Variants in RBMS1 observed in about 807,000 individuals in gnomAD.
RBMS1 encodes the protein RNA binding motif single stranded interacting protein 1.
Under a neutral mutation model 62.3 loss-of-function variants are expected in RBMS1, and 17 were observed. The ratio of observed to expected loss-of-function variants is 0.27; its 90% CI spans 0.19 to 0.41. RBMS1 has a LOEUF of 0.41. RBMS1 is among the 10% of genes least tolerant of loss of function. The pLI is 1.00. For synonymous variants in RBMS1, 172 were observed against 170.0 expected, an observed-to-expected ratio of 1.01 and a Z score of -0.09; for missense variants, 334 against 504.5, an observed-to-expected ratio of 0.66 and a Z score of 3.24.
chr2:160,324,588 C>A (rs1690781455), intron 2 of RBMS1, among the ~76,000 whole-genome samples: 1 of 151,548 alleles, frequency 6.6e-6, no homozygotes, highest in Non-Finnish European at 1.5e-5. Flanking sequence ...TGAGAAAGGG[C>A]AGAATGTTGC....
At chr2:160,300,871 T>C in intron 5 of RBMS1, 141 bp from the exon 6 acceptor site, 1 of 932,472 alleles carries the variant, frequency 1.1e-6, no homozygotes, top group East Asian at 3.1e-5. Flanking sequence ...AAAGGGTCTA[T>C]TCTACCTTTT....
At position 160,318,229 on chromosome 2, in the gene RBMS1, T is replaced by TAAAAAAAAAAAAAAAAAAAAGAA; in HGVS notation, c.252-3_252-2insTTCTTTTTTTTTTTTTTTTTTTT. The TAAAAAAAAAAAAAAAAAAAAGAA allele has an allele frequency of 1.7e-6, 2 of 1,163,252 alleles. No individual in the cohort carries two copies. The highest frequency in any genetic ancestry group is 1.1e-6 in the Non-Finnish European group (1 of 929,826). 72.1% of individuals were successfully genotyped at this position (1,163,252 alleles called of 1,614,324 possible). ...TTTGTGGAGACTATTTTCCCATATC[T>TAAAAAAAAAAAAAAAAAAAAGAA]AAAAAAAAAAAAAAAAAAAAAAAGG... On this transcript the variant is annotated splice_polypyrimidine_tract_variant and splice_region_variant and intron_variant, in intron 2 of 13. Coordinates refer to ENST00000348849, the MANE Select transcript of RBMS1 (RefSeq NM_016836.4).
At chr2:160,448,784 C>G (rs1172658814) in intron 1 of RBMS1, among the ~76,000 whole-genome samples, 2 of 151,812 alleles carry the variant, frequency 1.3e-5, no homozygotes, top group Non-Finnish European at 2.9e-5. Context: ...GCCCCTCTGC[C>G]CAGCCACCCA....
intron 1 of RBMS1, among the ~76,000 whole-genome samples, chr2:160,388,713 G>A (rs1427740400): frequency 6.6e-6 from 1 of 152,190 alleles, no homozygotes; most frequent in Non-Finnish European, 1.5e-5. Context: ...CCTCTTTTGT[G>A]TCAGCTGAGC....
At chr2:160,451,147 A>G (rs1364625277) in intron 1 of RBMS1, among the ~76,000 whole-genome samples, 1 of 144,002 alleles carries the variant, frequency 6.9e-6, no homozygotes, top group Admixed American at 7.7e-5. Flanking sequence ...ACAGAGCAAG[A>G]CCATGCTTCA....
chr2:160,368,139 T>C (rs1573943214), intron 1 of RBMS1, among the ~76,000 whole-genome samples: 1 of 152,176 alleles, frequency 6.6e-6, no homozygotes, highest in East Asian at 1.9e-4. Context: ...TAATTCTCTG[T>C]GCACCGACTG....
intron 1 of RBMS1, among the ~76,000 whole-genome samples, chr2:160,474,071 T>C (rs1031679563): frequency 5.3e-5 from 8 of 152,206 alleles, no homozygotes; most frequent in Non-Finnish European, 1.2e-4. Context: ...TCTGCTGTGT[T>C]ATTACCATCT....
intron 1 of RBMS1, among the ~76,000 whole-genome samples, chr2:160,439,096 C>A (rs1232592409): frequency 1.3e-5 from 2 of 149,162 alleles, no homozygotes; most frequent in Non-Finnish European, 3.0e-5. Flanking sequence ...GGCGGCCGGG[C>A]AGAGGCACCC....
chr2:160,323,242 G>A (rs1371513513), intron 2 of RBMS1, among the ~76,000 whole-genome samples: 1 of 151,562 alleles, frequency 6.6e-6, no homozygotes, highest in East Asian at 1.9e-4. Context: ...TTGGGAGGCT[G>A]AGGTGTGCAG....
intron 13 of RBMS1, chr2:160,275,400 G>A (rs1574194167): frequency 3.2e-6 from 2 of 629,532 alleles, no homozygotes; most frequent in East Asian, 5.0e-5. Flanking sequence ...TTTTTAGTGG[G>A]GAGAGTATAC....
intron 1 of RBMS1, among the ~76,000 whole-genome samples, chr2:160,452,536 T>C (rs1049793591): frequency 6.6e-6 from 1 of 152,378 alleles, no homozygotes; most frequent in Non-Finnish European, 1.5e-5. Context: ...TGTTATTCAT[T>C]GTTTATTTTT....
At chr2:160,347,649 G>T (rs1227187424) in intron 2 of RBMS1, among the ~76,000 whole-genome samples, 1 of 152,128 alleles carries the variant, frequency 6.6e-6, no homozygotes, top group Non-Finnish European at 1.5e-5. Context: ...GAAATCACCT[G>T]AAGGTCTGTC....
At chr2:160,438,176 T>C (rs1683193283) in intron 1 of RBMS1, among the ~76,000 whole-genome samples, 2 of 152,140 alleles carry the variant, frequency 1.3e-5, no homozygotes, top group African/African-American at 4.8e-5. Context: ...GAGATCATTA[T>C]AGCAGACTCC....
chr2:160,312,821 TA>T (rs201315509), intron 4 of RBMS1, among the ~76,000 whole-genome samples: 151 of 143,282 alleles, frequency 1.1e-3, no homozygotes, highest in Middle Eastern at 3.5e-3. Context: ...CATTTAAATT[TA>T]AAAAAAAAAA....
At chr2:160,451,038 C>T (rs1161466646) in intron 1 of RBMS1, among the ~76,000 whole-genome samples, 1 of 152,018 alleles carries the variant, frequency 6.6e-6, no homozygotes, top group Non-Finnish European at 1.5e-5. Context: ...TGCCTGTTGT[C>T]CCAGCTAGTT....
intron 1 of RBMS1, among the ~76,000 whole-genome samples, chr2:160,414,182 T>G (rs116506763): frequency 0.03 from 4,532 of 152,302 alleles, 99 homozygotes; most frequent in Non-Finnish European, 0.045. Flanking sequence ...ATGCAAACTT[T>G]CCAATATTCG....
intron 1 of RBMS1, 154 bp from the exon 2 acceptor site, chr2:160,367,545 T>G: frequency 7.6e-7 from 1 of 1,319,532 alleles, no homozygotes; most frequent in Non-Finnish European, 9.9e-7. Flanking sequence ...TCATGCTACT[T>G]TAAAAAAGCC....
intron 2 of RBMS1, among the ~76,000 whole-genome samples, chr2:160,350,125 G>A (rs1692415670): frequency 1.3e-5 from 2 of 152,158 alleles, no homozygotes; most frequent in South Asian, 2.1e-4. Context: ...AAGTTATGGG[G>A]AGAGGAGGCA....
At chr2:160,395,348 G>A (rs995446661) in intron 1 of RBMS1, among the ~76,000 whole-genome samples, 2 of 152,206 alleles carry the variant, frequency 1.3e-5, no homozygotes, top group Non-Finnish European at 2.9e-5. Context: ...CTGAAGGCCG[G>A]GCGCAGTGGC....
Sources: allele counts gnomAD v4.1 joint callset (sites outside exome capture counted in the v4.1 genomes callset), GRCh38; gene constraint gnomAD v4.1.1; transcripts MANE v1.5; gene names NCBI Gene and HGNC (gene_info 2026-07-23, HGNC 2026-07-21).